Variants in HMGB1 observed in about 807,000 individuals in gnomAD.
HMGB1 encodes high mobility group protein B1.
For missense variants in HMGB1, 79 were observed against 253.5 expected, an observed-to-expected ratio of 0.31 and a Z score of 4.67; for synonymous variants, 81 against 84.0, an observed-to-expected ratio of 0.96 and a Z score of 0.19.
intron 1 of HMGB1, among the ~76,000 whole-genome samples, chr13:30,546,206 C>G (rs1869150624): frequency 6.6e-6 from 1 of 152,168 alleles, no homozygotes; most frequent in Admixed American, 6.5e-5. Flanking sequence ...ATCTCTGCCT[C>G]CCGGGTTCAA....
chr13:30,548,513 A>G (rs1383162930), intron 1 of HMGB1, among the ~76,000 whole-genome samples: 2 of 152,246 alleles, frequency 1.3e-5, no homozygotes, highest in African/African-American at 4.8e-5. Flanking sequence ...AGGATATTTC[A>G]TTAGCGAACA....
intron 1 of HMGB1, among the ~76,000 whole-genome samples, chr13:30,520,920 T>G (rs1445764873): frequency 1.3e-5 from 2 of 152,230 alleles, no homozygotes. Context: ...AACATTTGGT[T>G]CCCAGGAAGG....
chr13:30,576,641 G>T (rs1870669068), intron 1 of HMGB1, among the ~76,000 whole-genome samples: 1 of 151,704 alleles, frequency 6.6e-6, no homozygotes, highest in Non-Finnish European at 1.5e-5. Flanking sequence ...GACCCAGCCT[G>T]TGGCTTCCAC....
chr13:30,466,052 A>T (rs980035792), upstream of HMGB1: 147 of 636,006 alleles, frequency 2.3e-4, no homozygotes, highest in South Asian at 4.2e-4. Flanking sequence ...GTCTCCGGGG[A>T]CACGTCATCA....
intron 1 of HMGB1, among the ~76,000 whole-genome samples, chr13:30,593,442 T>C (rs948353048): frequency 5.9e-5 from 9 of 152,226 alleles, no homozygotes; most frequent in Admixed American, 2.0e-4. Flanking sequence ...TACCACTGGC[T>C]TTTGGGGAGC....
At chr13:30,505,791 C>T (rs1313595601) in intron 1 of HMGB1, among the ~76,000 whole-genome samples, 2 of 152,168 alleles carry the variant, frequency 1.3e-5, no homozygotes, top group East Asian at 1.9e-4. Context: ...CACACAATCA[C>T]CTTAGAGCCA....
chr13:30,535,261 G>A (rs998712112), intron 1 of HMGB1, among the ~76,000 whole-genome samples: 5 of 152,236 alleles, frequency 3.3e-5, no homozygotes, highest in African/African-American at 1.2e-4. Context: ...CTTTGAAAAG[G>A]AGGGAACTTC....
intron 1 of HMGB1, among the ~76,000 whole-genome samples, chr13:30,584,262 T>C (rs1327541250): frequency 1.3e-5 from 2 of 152,204 alleles, no homozygotes; most frequent in East Asian, 3.8e-4. Context: ...TATCTTCCTT[T>C]TACCAGCCAA....
chr13:30,614,701 G>C (rs1950543865), intron 1 of HMGB1, among the ~76,000 whole-genome samples: 1 of 151,688 alleles, frequency 6.6e-6, no homozygotes, highest in Admixed American at 6.6e-5. Context: ...TCATGTTTTT[G>C]TTTTTGTTTT....
intron 1 of HMGB1, among the ~76,000 whole-genome samples, chr13:30,503,415 T>C (rs1485831926): frequency 2.0e-5 from 3 of 152,010 alleles, no homozygotes; most frequent in Admixed American, 6.6e-5. Flanking sequence ...GCATAGAGGC[T>C]GACTCCTTAG....
intron 1 of HMGB1, among the ~76,000 whole-genome samples, chr13:30,490,806 T>C (rs1272212708): frequency 1.3e-5 from 2 of 151,834 alleles, no homozygotes; most frequent in African/African-American, 4.8e-5. Flanking sequence ...CAGGAAATGA[T>C]ATGCAAACTT....
At chr13:30,511,047 T>G (rs1036870710) in intron 1 of HMGB1, among the ~76,000 whole-genome samples, 3 of 152,174 alleles carry the variant, frequency 2.0e-5, no homozygotes, top group African/African-American at 4.8e-5. Flanking sequence ...CTATTACTCA[T>G]CACACTGAGG....
At chr13:30,524,337 T>TAAAAAAAAAAAAA (rs756389867) in intron 1 of HMGB1, among the ~76,000 whole-genome samples, 1 of 47,438 alleles carries the variant, frequency 2.1e-5, no homozygotes, top group African/African-American at 5.5e-5. Flanking sequence ...TAAAGTATAT[T>TAAAAAAAAAAAAA]AAAAAAAAAA....
chr13:30,512,902 C>T (rs1363477128), intron 1 of HMGB1, among the ~76,000 whole-genome samples: 3 of 152,192 alleles, frequency 2.0e-5, no homozygotes. Context: ...GTGGCTCACA[C>T]CTGTAATCCC....
intron 1 of HMGB1, among the ~76,000 whole-genome samples, chr13:30,551,663 A>T (rs1869434138): frequency 6.6e-6 from 1 of 152,124 alleles, no homozygotes; most frequent in Non-Finnish European, 1.5e-5. Flanking sequence ...TTGCTTCTCT[A>T]TCATGAGCAT....
intron 1 of HMGB1, among the ~76,000 whole-genome samples, chr13:30,594,865 A>G (rs1871534352): frequency 6.6e-6 from 1 of 152,182 alleles, no homozygotes; most frequent in Non-Finnish European, 1.5e-5. Flanking sequence ...CGGCCTCGCC[A>G]ACATACGTTC....
chr13:30,559,091 T>G lies in HMGB1; in HGVS notation c.-15+57580A>C, dbSNP rs1025880711. On this transcript the variant is annotated intron_variant, in intron 1 of 4. Transcript: ENST00000405805. This position sits in a 1 kb window ranked among gnomAD's most constrained non-coding sequence, Gnocchi z 6.6. ...GTTACTTTTAATTTTTAAAAATATC[T>G]TTTGAGGACTTCTCTAGAAATAGGT... Among the ~76,000 whole-genome samples, 11 of 152,176 alleles carry G rather than the reference T, an allele frequency of 7.2e-5. No individual in the cohort carries two copies. Among genetic ancestry groups the G allele is most frequent in the Non-Finnish European group, 1.3e-4 (9 of 68,040 alleles).
At chr13:30,549,334 T>C (rs781305605) in intron 1 of HMGB1, among the ~76,000 whole-genome samples, 1 of 152,142 alleles carries the variant, frequency 6.6e-6, no homozygotes, top group Non-Finnish European at 1.5e-5. Flanking sequence ...CATCTCTGTA[T>C]TTGACAGATT....
chr13:30,534,254 C>G (rs1888562138), intron 1 of HMGB1, among the ~76,000 whole-genome samples: 1 of 152,248 alleles, frequency 6.6e-6, no homozygotes, highest in Non-Finnish European at 1.5e-5. Context: ...GAGCTGGTCC[C>G]ATTTCCCCTG....
Sources: gnomAD v4.1 joint callset for allele counts (sites outside exome capture counted in the v4.1 genomes callset) on GRCh38, gnomAD v4.1.1 for gene constraint, Gnocchi (gnomAD v3.1) non-coding constraint, MANE v1.5 for transcripts, NCBI Gene and HGNC (gene_info 2026-07-23, HGNC 2026-07-21) for gene names.